The following CPA5 variants were observed in gnomAD, a reference collection of about 807,000 sequenced individuals.
CPA5 encodes testicular tissue protein Li 32.
A neutral mutation model predicts 52.2 loss-of-function variants in CPA5; 38 were observed. The observed-to-expected ratio is 0.73, with a 90% CI of 0.56 to 0.95. CPA5 has a LOEUF of 0.95. CPA5 is among the 40% of genes least tolerant of loss of function. CPA5 has a pLI of 0.00. For missense variants in CPA5, 519 were observed against 566.7 expected, an observed-to-expected ratio of 0.92 and a Z score of 0.86; for synonymous variants, 198 against 213.7, an observed-to-expected ratio of 0.93 and a Z score of 0.64.
At position 130,347,840 on chromosome 7, in the gene CPA5, C is replaced by T. The variant is rs1554402746; in HGVS notation, c.191C>T (p.Pro64Leu). ...SLLGDLEGLK[P>L]QKVDFWRGPA... is the part of the protein sequence containing the mutation. ...CTCGGGGATCTGGAGGGCCTGAAACCCCAGAAGGTGAGGACTCCTCAGGCT... is the reference window on the plus strand; with the variant it reads ...CTCGGGGATCTGGAGGGCCTGAAACTCCAGAAGGTGAGGACTCCTCAGGCT... Residue 64 changes from proline (P) to leucine (L), a missense_variant, in exon 4 of 13, where the codon CCC becomes CTC. Physicochemically the swap from Pro to Leu is moderately conservative, Grantham distance 98. Coordinates refer to ENST00000474905, the MANE Select transcript of CPA5 (RefSeq NM_080385.5). The T allele has an allele frequency of 6.2e-7, 1 of 1,613,810 alleles. No homozygotes were observed. Among genetic ancestry groups the T allele is most frequent in the South Asian group, 1.1e-5 (1 of 91,026 alleles).
chr7:130,367,318 G>A (rs982843285), intron 10 of CPA5, 54 bp from the exon 11 acceptor site: 9 of 1,508,790 alleles, frequency 6.0e-6, no homozygotes, highest in East Asian at 4.5e-5. Context: ...TGTGAGCACC[G>A]TCTGTGTCGC....
At chr7:130,369,944 C>T (rs1796276836), downstream of CPA5, among the ~76,000 whole-genome samples, 2 of 152,182 alleles carry the variant, frequency 1.3e-5, no homozygotes, top group Non-Finnish European at 2.9e-5. Context: ...ATGATCAAAA[C>T]CCCAAGTAAG....
intron 3 of CPA5, among the ~76,000 whole-genome samples, 165 bp downstream of exon 3, chr7:130,346,766 T>G (rs1794771701): frequency 6.6e-6 from 1 of 152,056 alleles, no homozygotes; most frequent in African/African-American, 2.4e-5. Context: ...ACTTTCATGC[T>G]CCGGGGCTGG....
intron 10 of CPA5, among the ~76,000 whole-genome samples, chr7:130,364,491 C>T (rs538055564): frequency 1.3e-5 from 2 of 152,208 alleles, no homozygotes; most frequent in Non-Finnish European, 2.9e-5. Context: ...CTGCGCCCAG[C>T]CAATTTTTGT....
chr7:130,373,883 G>A, the CPA5 span, among the ~76,000 whole-genome samples: 1 of 152,238 alleles, frequency 6.6e-6, no homozygotes, highest in Non-Finnish European at 1.5e-5. Context: ...AAGCCAGACC[G>A]GATTTGGGAA....
the CPA5 span, among the ~76,000 whole-genome samples, chr7:130,374,521 C>T: frequency 6.6e-6 from 1 of 152,204 alleles, no homozygotes; most frequent in Non-Finnish European, 1.5e-5. Flanking sequence ...ATGGCTAGAC[C>T]ATGGGGTAAC....
downstream of CPA5, among the ~76,000 whole-genome samples, chr7:130,370,043 G>A (rs1384972114): frequency 6.6e-6 from 1 of 152,256 alleles, no homozygotes; most frequent in Admixed American, 6.5e-5. Context: ...CATGGGGCTG[G>A]TGCAGCTGTG....
At chr7:130,346,300 C>T in intron 2 of CPA5, 93 bp from the exon 3 acceptor site, 1 of 480,374 alleles carries the variant, frequency 2.1e-6, no homozygotes, top group Non-Finnish European at 3.7e-6. Flanking sequence ...AGAGGATGTG[C>T]TGGGTTGGGG....
chr7:130,349,358 C>G (rs1191249581), intron 4 of CPA5, among the ~76,000 whole-genome samples: 3 of 151,986 alleles, frequency 2.0e-5, no homozygotes, highest in East Asian at 1.9e-4. Context: ...GGCATGAACC[C>G]GGGAGGCAAA....
intron 4 of CPA5, 53 bp downstream of exon 4, chr7:130,347,900 A>C: frequency 1.4e-6 from 2 of 1,418,920 alleles, no homozygotes; most frequent in Non-Finnish European, 2.0e-6. Context: ...AGTGGCTCAC[A>C]CATTTAGCTC....
chr7:130,367,639 T>C lies in CPA5; in HGVS notation c.1038+68T>C. On this transcript the variant is annotated intron_variant, in intron 11 of 12. Transcript: ENST00000474905. The stretch of plus-strand genomic sequence containing the variant: ...ACAGGAAAATCCATATCTGTCATAC[T>C]CCCAGAGGGCTCAGGTTGTTACTCT... 1.5e-5 allele frequency: 21 copies of C among 1,427,294 alleles called. No homozygotes were observed. The South Asian group carries it at 2.4e-4, about 16-fold the overall frequency. 88.4% of individuals were successfully genotyped at this position (1,427,294 alleles called of 1,614,324 possible). A position where few individuals can be genotyped will look rare whatever the true frequency, so the allele number is the denominator to read the frequency against.
chr7:130,371,278 C>T (rs1796291992), downstream of CPA5, among the ~76,000 whole-genome samples: 1 of 152,264 alleles, frequency 6.6e-6, no homozygotes, highest in African/African-American at 2.4e-5. Flanking sequence ...AACATGTCGC[C>T]TCCTCACAGC....
At chr7:130,369,819 T>C (rs923389752), downstream of CPA5, among the ~76,000 whole-genome samples, 4 of 152,220 alleles carry the variant, frequency 2.6e-5, no homozygotes, top group Non-Finnish European at 5.9e-5. Flanking sequence ...CTCCACTGTG[T>C]AAAGGCATAA....
chr7:130,367,799 CT>C (rs1270876870), intron 11 of CPA5, 106 bp from the exon 12 acceptor site: 1 of 1,036,066 alleles, frequency 9.7e-7, no homozygotes, highest in East Asian at 2.4e-5. Context: ...CCACCTTCAA[CT>C]TCCAGGACTG....
chr7:130,349,104 T>G (rs1312553356), intron 4 of CPA5, among the ~76,000 whole-genome samples: 1 of 152,184 alleles, frequency 6.6e-6, no homozygotes, highest in Non-Finnish European at 1.5e-5. Flanking sequence ...TATTTTATTA[T>G]TAAGCTATTG....
chr7:130,354,775 G>A (rs782146390), intron 5 of CPA5, among the ~76,000 whole-genome samples: 2 of 151,916 alleles, frequency 1.3e-5, no homozygotes, highest in Non-Finnish European at 2.9e-5. Flanking sequence ...GTGGAGTAAA[G>A]TGGCTATTCA....
intron 6 of CPA5, among the ~76,000 whole-genome samples, chr7:130,360,344 T>C (rs1251834368): frequency 1.3e-5 from 2 of 152,252 alleles, no homozygotes; most frequent in African/African-American, 4.8e-5. Flanking sequence ...CCAGGCACAT[T>C]GGACAGCCAT....
chr7:130,373,562 T>TG (rs1796313908), downstream of CPA5, among the ~76,000 whole-genome samples: 1 of 152,206 alleles, frequency 6.6e-6, no homozygotes, highest in Admixed American at 6.5e-5. Flanking sequence ...GGCTGGGCCC[T>TG]GGCAGGGATC....
At chr7:130,347,308 CA>C (rs1251614311) in intron 3 of CPA5, among the ~76,000 whole-genome samples, 1 of 152,232 alleles carries the variant, frequency 6.6e-6, no homozygotes, top group Non-Finnish European at 1.5e-5. Context: ...TGTCTGATCT[CA>C]CCTTCCGGGC....
Sources: gnomAD v4.1 joint callset for allele counts (sites outside exome capture counted in the v4.1 genomes callset) on GRCh38, gnomAD v4.1.1 for gene constraint, MANE v1.5 for transcripts, NCBI Gene and HGNC (gene_info 2026-07-23, HGNC 2026-07-21) for gene names.